The following ISM1 variants were observed in gnomAD, a reference collection of about 807,000 sequenced individuals.
ISM1 encodes the protein isthmin 1, also known as isthmin-1.
Under a neutral mutation model 46.3 loss-of-function variants are expected in ISM1, and 25 were observed. That is an observed-to-expected ratio of 0.54 (90% CI 0.39 to 0.75). ISM1 has a LOEUF of 0.75. Among genes scored for constraint, ISM1 ranks in the 30% least tolerant of loss-of-function variants. The pLI is 0.00. For synonymous variants in ISM1, 255 were observed against 256.7 expected, an observed-to-expected ratio of 0.99 and a Z score of 0.06; for missense variants, 536 against 625.4, an observed-to-expected ratio of 0.86 and a Z score of 1.52.
intron 1 of ISM1, among the ~76,000 whole-genome samples, chr20:13,238,816 G>GC (rs2039683024): frequency 6.6e-6 from 1 of 152,152 alleles, no homozygotes; most frequent in Middle Eastern, 3.2e-3. Context: ...CAGTTGATCA[G>GC]CCCATAGAGG....
chr20:13,301,345 C>T (rs1446651837), downstream of ISM1, among the ~76,000 whole-genome samples: 11 of 152,200 alleles, frequency 7.2e-5, no homozygotes, highest in South Asian at 2.1e-4. Flanking sequence ...TGTGCCACCA[C>T]GCCTGGCTAA....
At chr20:13,268,271 C>T (rs747475350) in intron 1 of ISM1, among the ~76,000 whole-genome samples, 6 of 151,234 alleles carry the variant, frequency 4.0e-5, no homozygotes, top group South Asian at 2.1e-4. Flanking sequence ...TCTTCTCTCT[C>T]GCTCCTTCTC....
chr20:13,321,594 G>T, the ISM1 span, among the ~76,000 whole-genome samples: 136,971 of 152,260 alleles, frequency 0.9, 61,781 homozygotes, highest in African/African-American at 0.96. Context: ...GCACAGGGAC[G>T]TGGTGTGTTT....
At chr20:13,292,280 C>G in intron 4 of ISM1, 94 bp from the exon 5 acceptor site, 1 of 763,326 alleles carries the variant, frequency 1.3e-6, no homozygotes, top group South Asian at 1.7e-5. Flanking sequence ...ACAAAAAAGG[C>G]TTTGTTCAGG....
rs1042499913 is a variant in ISM1, at chr20:13,221,724, C to T, written c.-53C>T. The T allele has an allele frequency of 1.6e-6, 2 of 1,274,596 alleles. No homozygotes were observed. The highest frequency in any genetic ancestry group is 3.1e-5 in the African/African-American group (2 of 63,906). 79.0% of individuals were successfully genotyped at this position (1,274,596 alleles called of 1,614,324 possible). A position where few individuals can be genotyped will look rare whatever the true frequency, so the allele number is the denominator to read the frequency against. On this transcript the variant is annotated 5_prime_UTR_variant, in exon 1 of 6. Coordinates refer to ENST00000262487, the MANE Select transcript of ISM1 (RefSeq NM_080826.2). ...CCTACTCCTCCTCCCCCGGCGTCAC[C>T]GCCGCCGCCGCCGGCCGCCGCGCCG... is the stretch of plus-strand genomic sequence containing the variant.
At chr20:13,289,060 A>G (rs2040325074) in intron 4 of ISM1, among the ~76,000 whole-genome samples, 1 of 152,220 alleles carries the variant, frequency 6.6e-6, no homozygotes, top group Admixed American at 6.5e-5. Context: ...TGCTGGGATT[A>G]CAGGCATGAG....
the ISM1 span, among the ~76,000 whole-genome samples, chr20:13,309,671 A>G: frequency 6.6e-6 from 1 of 152,222 alleles, no homozygotes; most frequent in Non-Finnish European, 1.5e-5. Flanking sequence ...CTGTTTGCAG[A>G]TGGTATTATC....
the ISM1 span, among the ~76,000 whole-genome samples, chr20:13,313,829 G>C: frequency 6.6e-6 from 1 of 152,158 alleles, no homozygotes; most frequent in Non-Finnish European, 1.5e-5. Context: ...GAATTGTTAG[G>C]CCAGGAATTT....
chr20:13,251,219 G>T (rs113162821), intron 1 of ISM1, among the ~76,000 whole-genome samples: 6,174 of 152,150 alleles, frequency 0.041, 194 homozygotes, highest in African/African-American at 0.08. Flanking sequence ...GATGTTGAAG[G>T]TTTTCACTTC....
intron 1 of ISM1, among the ~76,000 whole-genome samples, chr20:13,260,056 A>G (rs545336098): frequency 2.0e-5 from 3 of 152,348 alleles, no homozygotes; most frequent in Non-Finnish European, 2.9e-5. Context: ...AGAGCCCACA[A>G]TTGCATCAGC....
At chr20:13,317,920 C>T in the ISM1 span, among the ~76,000 whole-genome samples, 269 of 3,276 alleles carry the variant, frequency 0.082, 1 homozygote, top group African/African-American at 0.29. Flanking sequence ...AGGCACTATC[C>T]GTGGAAAAAA....
At chr20:13,308,027 G>A in the ISM1 span, among the ~76,000 whole-genome samples, 25 of 152,256 alleles carry the variant, frequency 1.6e-4, no homozygotes, top group Admixed American at 6.5e-4. Context: ...TGGACACTCC[G>A]TTTAGGAGTG....
rs1361406973 is a variant in ISM1 at position 13,299,616 on chromosome 20, C to T, written c.*157C>T. On this transcript the variant is annotated 3_prime_UTR_variant, in exon 6 of 6. Transcript: ENST00000262487. This position sits in a 1 kb window ranked among gnomAD's most constrained non-coding sequence, Gnocchi z 5.8. ...TCATACATTACGCTAGGGGCGTGTG[C>T]CACGCCCAGGGGACTGCCTTGTGAA... 4.1e-6 allele frequency: 3 copies of T among 739,534 alleles called. No individual in the cohort carries two copies. Among genetic ancestry groups the T allele is most frequent in the East Asian group, 5.4e-5 (2 of 37,288 alleles). The allele number at this position is 739,534 out of a possible 1,614,324, so 45.8% of individuals were successfully genotyped here.
rs1029268431 is a variant in ISM1 at position 13,232,994 on chromosome 20, G to T, written c.138+11080G>T. The stretch of plus-strand genomic sequence containing the variant: ...TTGATTGTAGTGACCATCATGGTGG[G>T]GGTTGTGAAAAGAAAATTCGATGCT... On this transcript the variant is annotated intron_variant, in intron 1 of 5. Transcript: ENST00000262487. 9.2e-5 allele frequency among the ~76,000 whole-genome samples: 14 copies of T among 151,882 alleles called. No individual in the cohort carries two copies. The East Asian group carries it at 2.7e-3, about 29-fold the overall frequency.
intron 5 of ISM1, among the ~76,000 whole-genome samples, chr20:13,296,010 C>G (rs73898764): frequency 0.013 from 2,018 of 152,310 alleles, 40 homozygotes; most frequent in African/African-American, 0.046. Flanking sequence ...ACCCTGACTT[C>G]CCCTGCTAGA....
At chr20:13,325,858 G>T in the ISM1 span, among the ~76,000 whole-genome samples, 1 of 152,050 alleles carries the variant, frequency 6.6e-6, no homozygotes, top group African/African-American at 2.4e-5. Context: ...TTTAATCCCA[G>T]CATTTCAAAA....
chr20:13,257,067 A>G (rs243898), intron 1 of ISM1, among the ~76,000 whole-genome samples: 19,782 of 152,198 alleles, frequency 0.13, 1,600 homozygotes, highest in African/African-American at 0.21. Context: ...TGTTTTTACC[A>G]CACAGATGCT....
the ISM1 span, among the ~76,000 whole-genome samples, chr20:13,322,744 C>A: frequency 1.3e-5 from 2 of 152,128 alleles, no homozygotes; most frequent in Admixed American, 1.3e-4. Flanking sequence ...AATATGTGAT[C>A]TTTATCTAAT....
rs895171634 is a variant in ISM1, at chr20:13,221,640, C to G, written c.-137C>G. The G allele has an allele frequency of 1.0e-5, 7 of 674,406 alleles. No homozygotes were observed. The highest frequency in any genetic ancestry group is 1.4e-5 in the Non-Finnish European group (7 of 509,052). 41.8% of individuals were successfully genotyped at this position (674,406 alleles called of 1,614,324 possible). A position where few individuals can be genotyped will look rare whatever the true frequency, so the allele number is the denominator to read the frequency against. On this transcript the variant is annotated 5_prime_UTR_variant, in exon 1 of 6. Coordinates refer to ENST00000262487, the MANE Select transcript of ISM1 (RefSeq NM_080826.2). Reference sequence around the variant, plus strand: ...GCGCCCAGCGCCAGCCCCGCGGGCCCGGGAAGCGGAGCCCTGGCGGGAGCC... The same window carrying G: ...GCGCCCAGCGCCAGCCCCGCGGGCCGGGGAAGCGGAGCCCTGGCGGGAGCC...
Sources: allele counts gnomAD v4.1 joint callset (sites outside exome capture counted in the v4.1 genomes callset), GRCh38; gene constraint gnomAD v4.1.1; non-coding constraint Gnocchi (gnomAD v3.1); transcripts MANE v1.5; gene names NCBI Gene and HGNC (gene_info 2026-07-23, HGNC 2026-07-21).